The following LRBA variants were observed in gnomAD, a reference collection of about 807,000 sequenced individuals.
The protein encoded by LRBA is LPS responsive beige-like anchor protein.
A neutral mutation model predicts 330.0 loss-of-function variants in LRBA; 176 were observed. The ratio of observed to expected loss-of-function variants is 0.53; its 90% CI spans 0.47 to 0.60. The LOEUF (loss-of-function observed/expected upper bound fraction) is 0.60. LRBA is among the 20% of genes least tolerant of loss of function. LRBA has a pLI of 0.00. For missense variants in LRBA, 3,259 were observed against 3,444.8 expected, an observed-to-expected ratio of 0.95 and a Z score of 1.35; for synonymous variants, 1,230 against 1,193.0, an observed-to-expected ratio of 1.03 and a Z score of -0.64.
At chr4:150,953,937 C>T (rs1446614163) in intron 2 of LRBA, among the ~76,000 whole-genome samples, 4 of 147,986 alleles carry the variant, frequency 2.7e-5, no homozygotes, top group African/African-American at 1.0e-4. Context: ...GCCCGGCCAC[C>T]CATCTTCTGG....
At chr4:150,848,754 A>G in intron 26 of LRBA, 64 bp downstream of exon 26, 1 of 1,225,744 alleles carries the variant, frequency 8.2e-7, no homozygotes. Flanking sequence ...ATAATTTTCA[A>G]TGTCATCTCT....
chr4:150,926,280 T>C (rs1733872932), intron 4 of LRBA, among the ~76,000 whole-genome samples: 1 of 152,178 alleles, frequency 6.6e-6, no homozygotes, highest in African/African-American at 2.4e-5. Context: ...GTTGAGACCC[T>C]ACTAGACACT....
rs541836147 is a variant in LRBA at position 150,276,191 on chromosome 4, C to T, written c.8468+1662G>A. ...CAAACAAGCAATGGGGAAAGGATTC[C>T]CTAATTAGTAAATGGTGTTGGGAAA... On this transcript the variant is annotated intron_variant, in intron 56 of 56. Coordinates refer to ENST00000651943, the MANE Select transcript of LRBA (RefSeq NM_001364905.1). Among the ~76,000 whole-genome samples, 131 of 152,284 alleles carry T rather than the reference C, an allele frequency of 8.6e-4. 3 individuals carry two copies. Among genetic ancestry groups the T allele is most frequent in the African/African-American group, 3.1e-3 (129 of 41,550 alleles).
In LRBA at chr4:150,508,863, G is replaced by A. The variant is rs529965403; in HGVS notation, c.6331-17828C>T. Among the ~76,000 whole-genome samples, 109 of 152,260 alleles carry A rather than the reference G, an allele frequency of 7.2e-4. 1 individual carries two copies. Among genetic ancestry groups the A allele is most frequent in the Middle Eastern group, 3.4e-3 (1 of 294 alleles). On this transcript the variant is annotated intron_variant, in intron 40 of 56. Coordinates refer to ENST00000651943, the MANE Select transcript of LRBA (RefSeq NM_001364905.1). ...AGTTGAACAAGACCATCAACCAACAGAACCTAACTGACATTTATAGAACAG... is the reference window on the plus strand; with the variant it reads ...AGTTGAACAAGACCATCAACCAACAAAACCTAACTGACATTTATAGAACAG...
At chr4:150,358,043 C>T (rs2151835773) in intron 47 of LRBA, among the ~76,000 whole-genome samples, 1 of 152,012 alleles carries the variant, frequency 6.6e-6, no homozygotes, top group East Asian at 1.9e-4. Flanking sequence ...ATAAGAAATT[C>T]CTCCCTTGGC....
chr4:150,965,645 T>C (rs1738793724), intron 2 of LRBA, among the ~76,000 whole-genome samples: 1 of 151,708 alleles, frequency 6.6e-6, no homozygotes, highest in Non-Finnish European at 1.5e-5. Flanking sequence ...GCTCAAGGGA[T>C]CCTCCCGCCT....
chr4:150,529,820 A>C (rs1479817608), intron 40 of LRBA, among the ~76,000 whole-genome samples: 1 of 152,226 alleles, frequency 6.6e-6, no homozygotes, highest in African/African-American at 2.4e-5. Context: ...GGAAAATTCG[A>C]AACATACAAA....
intron 40 of LRBA, among the ~76,000 whole-genome samples, chr4:150,564,810 C>A (rs1410419494): frequency 6.6e-6 from 1 of 152,100 alleles, no homozygotes; most frequent in Non-Finnish European, 1.5e-5. Flanking sequence ...TAGAGAAATG[C>A]AAATCAAAAC....
chr4:150,715,744 T>C (rs182383119), intron 36 of LRBA, among the ~76,000 whole-genome samples: 2 of 152,320 alleles, frequency 1.3e-5, no homozygotes, highest in East Asian at 3.9e-4. Flanking sequence ...ACTGAATGTA[T>C]TCAGGAACTG....
chr4:150,779,858 A>G (rs930354328), intron 34 of LRBA, among the ~76,000 whole-genome samples: 11 of 152,222 alleles, frequency 7.2e-5, no homozygotes, highest in African/African-American at 2.7e-4. Flanking sequence ...AGTTTAAAAG[A>G]ATAAAAATCT....
intron 52 of LRBA, among the ~76,000 whole-genome samples, chr4:150,303,359 A>C (rs905417126): frequency 1.3e-5 from 2 of 152,186 alleles, no homozygotes; most frequent in African/African-American, 4.8e-5. Flanking sequence ...TGATGAAAGA[A>C]CTAATATATT....
intron 17 of LRBA, among the ~76,000 whole-genome samples, chr4:150,889,659 C>T (rs1258598814): frequency 6.6e-6 from 1 of 152,166 alleles, no homozygotes; most frequent in Non-Finnish European, 1.5e-5. Context: ...GCACTTCAAT[C>T]ATCCTGAAAC....
At chr4:150,937,887 G>A (rs191093682) in intron 2 of LRBA, among the ~76,000 whole-genome samples, 7 of 151,768 alleles carry the variant, frequency 4.6e-5, no homozygotes, top group East Asian at 1.9e-4. Context: ...CTGTATATTC[G>A]GAAAATCTAA....
At chr4:150,746,000 C>T (rs1732666079) in intron 35 of LRBA, among the ~76,000 whole-genome samples, 1 of 152,160 alleles carries the variant, frequency 6.6e-6, no homozygotes, top group Non-Finnish European at 1.5e-5. Flanking sequence ...AATGAAGCAA[C>T]AAGTGAAAGC....
At chr4:150,778,621 C>A (rs961886229) in intron 34 of LRBA, among the ~76,000 whole-genome samples, 5 of 152,258 alleles carry the variant, frequency 3.3e-5, no homozygotes, top group African/African-American at 1.2e-4. Flanking sequence ...AGATCTTTCA[C>A]TAATCAATAC....
chr4:150,704,044 A>C (rs1270855958), intron 36 of LRBA, among the ~76,000 whole-genome samples: 2 of 151,512 alleles, frequency 1.3e-5, no homozygotes, highest in African/African-American at 4.8e-5. Context: ...CCATCTCTAC[A>C]AAAAAAAATT....
At chr4:150,596,654 A>C (rs1773517076) in intron 38 of LRBA, among the ~76,000 whole-genome samples, 1 of 151,860 alleles carries the variant, frequency 6.6e-6, no homozygotes, top group Non-Finnish European at 1.5e-5. Context: ...TTTGTTTTGC[A>C]TACTTAATTC....
rs2126925010 is a variant in LRBA, at chr4:150,321,200, T to C, written c.7621A>G (p.Asn2541Asp). The change falls in exon 50 of 57, where the codon AAC (asparagine) becomes GAC (aspartate). Residue 2541 changes from asparagine to aspartate, a missense_variant. Coordinates refer to ENST00000651943, the MANE Select transcript of LRBA (RefSeq NM_001364905.1). The surrounding 1 kb of genome is among the most constrained non-coding windows in gnomAD (Gnocchi z 4.5). The part of the protein sequence containing the change: ...NRLFAVNKWH[N>D]LPAHQGAVQD... ...GTATTTCTTTACTTACCAGGAAGGT[T>C]GTGCCATTTGTTCACCGCAAATAAC... is the stretch of plus-strand genomic sequence containing the variant. 1 of 1,608,500 alleles carries C rather than the reference T, an allele frequency of 6.2e-7. No homozygotes were observed.
At chr4:150,275,407 C>A (rs1580866755) in intron 56 of LRBA, among the ~76,000 whole-genome samples, 3 of 152,262 alleles carry the variant, frequency 2.0e-5, no homozygotes, top group East Asian at 1.9e-4. Flanking sequence ...TCCTATTCAA[C>A]ATAGTATTGG....
Sources: gnomAD v4.1 joint callset for allele counts (sites outside exome capture counted in the v4.1 genomes callset) on GRCh38, gnomAD v4.1.1 for gene constraint, Gnocchi (gnomAD v3.1) non-coding constraint, MANE v1.5 for transcripts, NCBI Gene and HGNC (gene_info 2026-07-23, HGNC 2026-07-21) for gene names.